MCM3AP: variants seen among roughly 807,000 people sequenced by gnomAD.
MCM3AP encodes germinal-center associated nuclear protein.
In MCM3AP, 126 loss-of-function variants were observed where a neutral mutation model predicts 184.1. The observed-to-expected ratio is 0.68, with a 90% CI of 0.59 to 0.79. The LOEUF is 0.79. Ranked by LOEUF, MCM3AP falls within the 30% of genes least tolerant of loss-of-function variation. The probability of loss-of-function intolerance (pLI) is 0.00; values close to 1 mark genes in which losing one functional copy is unlikely to be tolerated. For synonymous variants in MCM3AP, 1,002 were observed against 979.3 expected, an observed-to-expected ratio of 1.02 and a Z score of -0.43; for missense variants, 2,496 against 2,479.2, an observed-to-expected ratio of 1.01 and a Z score of -0.14.
intron 26 of MCM3AP, among the ~76,000 whole-genome samples, chr21:46,237,356 G>T (rs2123798130): frequency 6.6e-6 from 1 of 152,144 alleles, no homozygotes; most frequent in East Asian, 1.9e-4. Context: ...ACCCACCTCG[G>T]CCTCCCAAAG....
rs568582881 is a variant in MCM3AP at position 46,285,325 on chromosome 21, T to G, written c.-39A>C. 3 of 1,402,036 alleles carry G rather than the reference T, an allele frequency of 2.1e-6. No individual in the cohort carries two copies. Among genetic ancestry groups the G allele is most frequent in the Non-Finnish European group, 2.0e-6 (2 of 999,962 alleles). The allele number at this position is 1,402,036 out of a possible 1,614,324, so 86.8% of individuals were successfully genotyped here. Reference sequence around the variant, plus strand: ...TATTAGAAGGTAATTAAGTATTATGTGTACAAAATTAATTGGCTTCCTGAA... The same window carrying G: ...TATTAGAAGGTAATTAAGTATTATGGGTACAAAATTAATTGGCTTCCTGAA... On this transcript the variant is annotated 5_prime_UTR_variant, in exon 1 of 28. Transcript: ENST00000291688.
chr21:46,247,010 G>T, intron 20 of MCM3AP, 124 bp from the exon 21 acceptor site: 1 of 914,382 alleles, frequency 1.1e-6, no homozygotes, highest in South Asian at 1.6e-5. Flanking sequence ...ACTCCAGACA[G>T]GCCTCCAAGG....
At chr21:46,270,643 T>C in intron 8 of MCM3AP, 80 bp from the exon 9 acceptor site, 1 of 1,263,116 alleles carries the variant, frequency 7.9e-7, no homozygotes, top group Non-Finnish European at 1.1e-6. Context: ...ATCTGATAAA[T>C]AATAGATTTC....
At chr21:46,275,054 A>G (rs1384277423) in intron 6 of MCM3AP, 132 bp downstream of exon 6, 15 of 979,200 alleles carry the variant, frequency 1.5e-5, no homozygotes, top group Middle Eastern at 3.3e-4. Context: ...AATGCAAAAC[A>G]GCTTAATATG....
chr21:46,274,288 A>G (rs2081226591), intron 6 of MCM3AP, among the ~76,000 whole-genome samples: 1 of 152,260 alleles, frequency 6.6e-6, no homozygotes, highest in Non-Finnish European at 1.5e-5. Flanking sequence ...GGGAAGATAC[A>G]TGGATAATGT....
intron 5 of MCM3AP, among the ~76,000 whole-genome samples, chr21:46,276,723 G>C (rs940579733): frequency 1.0e-4 from 15 of 149,504 alleles, no homozygotes; most frequent in Non-Finnish European, 2.1e-4. Flanking sequence ...TTACAGGCGT[G>C]AGCCACCACG....
rs201259516 is a variant in MCM3AP at position 46,267,119 on chromosome 21, C to A, written c.2652G>T (p.Ala884=). 1.1e-5 allele frequency: 18 copies of A among 1,613,756 alleles called. No individual in the cohort carries two copies. The highest frequency in any genetic ancestry group is 1.4e-5 in the Non-Finnish European group (17 of 1,179,918). The part of the protein sequence containing the change: ...FSQIRKDALR[A]LNFAYTVSTQ... ...TGCTCACCGTGTACGCAAAGTTGAG[C>A]GCCCGGAGAGCATCCTTGCGGATCT... is the stretch of plus-strand genomic sequence containing the variant. Residue 884 remains alanine (A), a synonymous_variant, in exon 10 of 28, where the codon GCG becomes GCT. Coordinates refer to ENST00000291688, the MANE Select transcript of MCM3AP (RefSeq NM_003906.5).
chr21:46,240,295 G>A (rs1474786267), intron 26 of MCM3AP, among the ~76,000 whole-genome samples: 1 of 152,166 alleles, frequency 6.6e-6, no homozygotes, highest in Non-Finnish European at 1.5e-5. Context: ...GAAGGCAGAG[G>A]ACAACCTGTG....
chr21:46,242,732 A>G, intron 25 of MCM3AP, 70 bp downstream of exon 25: 1 of 1,515,198 alleles, frequency 6.6e-7, no homozygotes, highest in Non-Finnish European at 9.0e-7. Context: ...GTAGGATGTT[A>G]ATTTCTATTT....
intron 12 of MCM3AP, 28 bp from the exon 13 acceptor site, chr21:46,264,245 T>G (rs2081078894): frequency 7.0e-7 from 1 of 1,428,940 alleles, no homozygotes; most frequent in African/African-American, 1.4e-5. Flanking sequence ...TGGGGTGTAA[T>G]GGAACGTCCC....
At position 46,266,989 on chromosome 21, in the gene MCM3AP, A is replaced by C. The variant is rs1306434140; in HGVS notation, c.2782T>G (p.Ser928Ala). The change falls in exon 10 of 28, where the codon TCC (serine) becomes GCC (alanine). Residue 928 changes from serine to alanine, a missense_variant. This residue lies in a region of MCM3AP where 138 missense variants were observed against 191.9 expected (regional missense o/e 0.72). Transcript: ENST00000291688. ...DFLTCHGLTV[S>A]DGCVELNRSA... ...TCCATTCTCAGCTCTTACCCGTCGGAAACGGTGAGGCCGTGGCAGGTGAGG... is the reference window on the plus strand; with the variant it reads ...TCCATTCTCAGCTCTTACCCGTCGGCAACGGTGAGGCCGTGGCAGGTGAGG... 6.2e-7 allele frequency: 1 copy of C among 1,614,078 alleles called. No homozygotes were observed. Among genetic ancestry groups the C allele is most frequent in the Non-Finnish European group, 8.5e-7 (1 of 1,180,046 alleles).
At chr21:46,259,577 T>C in intron 15 of MCM3AP, among the ~76,000 whole-genome samples, 1 of 151,630 alleles carries the variant, frequency 6.6e-6, no homozygotes, top group East Asian at 1.9e-4. Flanking sequence ...CGAAACCAGC[T>C]TGGCCATCAT....
In MCM3AP at chr21:46,283,521, T is replaced by G. The variant is rs2081358934; in HGVS notation, c.1443+94A>C. The G allele has an allele frequency of 9.4e-6, 7 of 748,420 alleles. No homozygotes were observed. The South Asian group carries it at 1.0e-4, about 11-fold the overall frequency. 46.4% of individuals were successfully genotyped at this position (748,420 alleles called of 1,614,324 possible). Reference sequence around the variant, plus strand: ...TTTGAGTACTTTCTCTATATTATAGTAAGCAAACAACTGAGGGACCAAAAA... The same window carrying G: ...TTTGAGTACTTTCTCTATATTATAGGAAGCAAACAACTGAGGGACCAAAAA... On this transcript the variant is annotated intron_variant, in intron 2 of 27. Coordinates refer to ENST00000291688, the MANE Select transcript of MCM3AP (RefSeq NM_003906.5).
At chr21:46,241,243 C>T in intron 25 of MCM3AP, 1 of 528,624 alleles carries the variant, frequency 1.9e-6, no homozygotes, top group East Asian at 3.3e-5. Flanking sequence ...ACTGTAGGGA[C>T]CCTTATGCAC....
chr21:46,272,549 G>A lies in MCM3AP; in HGVS notation c.2465+12C>T. The A allele has an allele frequency of 6.2e-7, 1 of 1,609,592 alleles. No individual in the cohort carries two copies. Among genetic ancestry groups the A allele is most frequent in the Non-Finnish European group, 8.5e-7 (1 of 1,177,328 alleles). ...AGCCACCTTAGGACAACTTTTGGAT[G>A]TGAAAATTCACCTTAGGATGTCTCC... On this transcript the variant is annotated intron_variant, in intron 8 of 27. Coordinates refer to ENST00000291688, the MANE Select transcript of MCM3AP (RefSeq NM_003906.5).
Position 46,283,755 on chromosome 21 carries a change from T to C in MCM3AP, c.1303A>G (p.Thr435Ala). 1.2e-6 allele frequency: 2 copies of C among 1,614,194 alleles called. No individual in the cohort carries two copies. Among genetic ancestry groups the C allele is most frequent in the Non-Finnish European group, 1.7e-6 (2 of 1,180,016 alleles). Residue 435 changes from threonine to alanine, a missense_variant, in exon 2 of 28, where the codon ACA (threonine) becomes GCA (alanine). Physicochemically the swap from Thr to Ala is moderately conservative, Grantham distance 58. Transcript: ENST00000291688. ...SLGGLSPSEVTAIQCKNIPDY... is the reference protein window; with the variant it reads ...SLGGLSPSEVAAIQCKNIPDY... ...GGGATGTTCTTGCACTGGATGGCTG[T>C]GACTTCAGAGGGAGACAAGCCCCCA...
chr21:46,245,144 G>C lies in MCM3AP; in HGVS notation c.4701C>G (p.Leu1567=). The change falls in exon 23 of 28, where the codon CTC becomes CTG. Residue 1567 remains leucine, a synonymous_variant. Transcript: ENST00000291688. The part of the protein sequence containing the change: ...LVSHCPHSLD[L]CCQTLIQYVE... ...CGTACTGAATGAGAGTCTGGCAGCAGAGGTCAAGGGAATGGGGGCAGTGGG... is the reference window on the plus strand; with the variant it reads ...CGTACTGAATGAGAGTCTGGCAGCACAGGTCAAGGGAATGGGGGCAGTGGG... The C allele has an allele frequency of 6.2e-7, 1 of 1,614,186 alleles. No homozygotes were observed.
Position 46,277,526 on chromosome 21 carries a change from C to T in MCM3AP, c.1858+1G>A, listed in dbSNP as rs2145708232. On this transcript the variant is annotated splice_donor_variant, in intron 5 of 27. Coordinates refer to ENST00000291688, the MANE Select transcript of MCM3AP (RefSeq NM_003906.5). LOFTEE classifies it high-confidence loss of function. ...AGAACCTCTGCCACCAAGTGCCATA[C>T]CTTGCCGCATGATCCTGTCTCTCTG... The T allele has an allele frequency of 1.3e-6, 2 of 1,564,418 alleles. No homozygotes were observed. Among genetic ancestry groups the T allele is most frequent in the Non-Finnish European group, 1.7e-6 (2 of 1,154,984 alleles).
chr21:46,265,147 G>C (rs1242737153), intron 12 of MCM3AP, among the ~76,000 whole-genome samples, 174 bp downstream of exon 12: 2 of 152,244 alleles, frequency 1.3e-5, no homozygotes, highest in Non-Finnish European at 2.9e-5. Flanking sequence ...ACGGACTCCA[G>C]AATGAGCCTG....
Sources: gnomAD v4.1 joint callset for allele counts (sites outside exome capture counted in the v4.1 genomes callset) on GRCh38, gnomAD v4.1.1 for gene constraint, gnomAD v4.1.1 regional missense constraint, MANE v1.5 for transcripts, NCBI Gene and HGNC (gene_info 2026-07-23, HGNC 2026-07-21) for gene names.